Variants in PHACTR2 observed in about 807,000 individuals in gnomAD.
The protein encoded by PHACTR2 is phosphatase and actin regulator 2.
Under a neutral mutation model 76.0 loss-of-function variants are expected in PHACTR2, and 30 were observed. The ratio of observed to expected loss-of-function variants is 0.39; its 90% confidence interval spans 0.30 to 0.54. The LOEUF (loss-of-function observed/expected upper bound fraction) is 0.54, where lower values mean the gene tolerates loss of function less well. Among genes scored for constraint, PHACTR2 ranks in the 20% least tolerant of loss-of-function variants. PHACTR2 has a pLI of 0.61. For synonymous variants in PHACTR2, 292 were observed against 292.5 expected (o/e 1.00, Z 0.02); for missense variants, 696 against 781.1 (o/e 0.89, Z 1.30).
rs1245417226 is a variant in PHACTR2 at position 143,806,552 on chromosome 6, T to A, written c.1846-505T>A. On this transcript the variant is annotated intron_variant, in intron 11 of 12. Transcript: ENST00000440869. This position sits in a 1 kb window ranked among gnomAD's most constrained non-coding sequence, Gnocchi z 5.8. Reference sequence around the variant, plus strand: ...GTGACTCATAGACCAGACTCAAGGATGAGTTTAGCAAAGGCCCGCTCCCAC... The same window carrying A: ...GTGACTCATAGACCAGACTCAAGGAAGAGTTTAGCAAAGGCCCGCTCCCAC... Among the ~76,000 whole-genome samples the A allele has an allele frequency of 6.6e-6, 1 of 152,170 alleles. No homozygotes were observed. The highest frequency in any genetic ancestry group is 1.9e-4 in the East Asian group (1 of 5,194).
intron 6 of PHACTR2, among the ~76,000 whole-genome samples, chr6:143,771,131 C>CATATATATATATGTAT (rs1252769341): frequency 8.4e-5 from 6 of 71,234 alleles, no homozygotes; most frequent in African/African-American, 1.6e-4. Context: ...ATGTACTTTA[C>CATATATATATATGTAT]ATATATATAT....
rs1477681444 is a variant in PHACTR2, at chr6:143,561,746, G to A, written c.217+24539G>A. ...GAATGGAGACTCCCAAACTCATGGG[G>A]ACAGCTTTGCTGAGTACCAGAAGGC... On this transcript the variant is annotated intron_variant, in intron 1 of 11. Coordinates refer to the PHACTR2 transcript ENST00000367584. This position sits in a 1 kb window ranked among gnomAD's most constrained non-coding sequence, Gnocchi z 4.1. 3.3e-5 allele frequency: 5 copies of A among 152,326 alleles called. No homozygotes were observed. Among genetic ancestry groups the A allele is most frequent in the Admixed American group, 6.5e-5 (1 of 15,288 alleles). The allele number at this position is 152,326 out of a possible 1,614,324, so 9.4% of individuals were successfully genotyped here. A position where few individuals can be genotyped will look rare whatever the true frequency, so the allele number is the denominator to read the frequency against.
intron 1 of PHACTR2, among the ~76,000 whole-genome samples, chr6:143,693,519 T>A (rs1777698039): frequency 6.6e-6 from 1 of 152,230 alleles, no homozygotes; most frequent in Non-Finnish European, 1.5e-5. Context: ...ATTACAGGCA[T>A]GAGCCACCGT....
intron 2 of PHACTR2, among the ~76,000 whole-genome samples, chr6:143,716,666 A>G (rs1172387974): frequency 6.6e-6 from 1 of 152,152 alleles, no homozygotes; most frequent in African/African-American, 2.4e-5. Flanking sequence ...TTAAAGAACA[A>G]GGGAATAGAG....
At chr6:143,749,758 C>A (rs1016411659) in intron 3 of PHACTR2, among the ~76,000 whole-genome samples, 1 of 152,082 alleles carries the variant, frequency 6.6e-6, no homozygotes, top group Non-Finnish European at 1.5e-5. Context: ...CTGGTACTGA[C>A]CCTCAAAAGA....
Position 143,625,571 on chromosome 6 carries a change from G to A in PHACTR2, c.13+17249G>A, listed in dbSNP as rs1462553438. ...CCCCTTGTGCGGTGTGTCTCCAATA[G>A]ATGTAATATCACCAGTGACTGTGGG... is the stretch of plus-strand genomic sequence containing the variant. On this transcript the variant is annotated intron_variant, in intron 1 of 11. Coordinates refer to the PHACTR2 transcript ENST00000305766. This position sits in a 1 kb window ranked among gnomAD's most constrained non-coding sequence, Gnocchi z 4.3. Among the ~76,000 whole-genome samples, 1 of 152,186 alleles carries A rather than the reference G, an allele frequency of 6.6e-6. No individual in the cohort carries two copies. Among genetic ancestry groups the A allele is most frequent in the Non-Finnish European group, 1.5e-5 (1 of 68,036 alleles).
At position 143,765,328 on chromosome 6, in the gene PHACTR2, C is replaced by T. The variant is rs748937591; in HGVS notation, c.762C>T (p.Thr254=). 1 of 1,614,160 alleles carries T rather than the reference C, an allele frequency of 6.2e-7. No individual in the cohort carries two copies. Among genetic ancestry groups the T allele is most frequent in the South Asian group, 1.1e-5 (1 of 91,084 alleles). The change falls in exon 6 of 13, where the codon ACC becomes ACT. Residue 254 remains threonine, a synonymous_variant. Transcript: ENST00000440869. The surrounding 1 kb of genome is among the most constrained non-coding windows in gnomAD (Gnocchi z 4.1). ...KASASPSTSS[T]SSRPKASKET... ...CAGCTTCGCCATCCACTTCATCCAC[C>T]TCATCTCGTCCCAAAGCTTCAAAGG...
At chr6:143,779,176 T>C in intron 9 of PHACTR2, among the ~76,000 whole-genome samples, 1 of 152,168 alleles carries the variant, frequency 6.6e-6, no homozygotes, top group East Asian at 1.9e-4. Flanking sequence ...CACAGGAAAC[T>C]GAATGGCCTA....
At chr6:143,540,425 T>C (rs939162666) in intron 1 of PHACTR2, among the ~76,000 whole-genome samples, 5 of 152,178 alleles carry the variant, frequency 3.3e-5, no homozygotes, top group African/African-American at 1.2e-4. Context: ...TCCATCCTTC[T>C]TTCCAGGAAA....
chr6:143,705,293 A>ATTT (rs142316800), intron 1 of PHACTR2, among the ~76,000 whole-genome samples: 1,125 of 107,906 alleles, frequency 0.01, 61 homozygotes, highest in African/African-American at 0.035. Context: ...TAATTTTTGC[A>ATTT]TTTTTTTTTT....
intron 1 of PHACTR2, among the ~76,000 whole-genome samples, chr6:143,564,455 T>C: frequency 6.6e-6 from 1 of 152,012 alleles, no homozygotes; most frequent in East Asian, 1.9e-4. Context: ...TTTTGCTGGA[T>C]TGGAGTCTGC....
chr6:143,579,094 G>A (rs938355902), intron 1 of PHACTR2, among the ~76,000 whole-genome samples: 1 of 152,120 alleles, frequency 6.6e-6, no homozygotes, highest in Non-Finnish European at 1.5e-5. Context: ...TGTAGAGATA[G>A]GGTTTTGCCA....
At chr6:143,705,883 A>G (rs1562276681) in intron 1 of PHACTR2, among the ~76,000 whole-genome samples, 2 of 152,172 alleles carry the variant, frequency 1.3e-5, no homozygotes, top group East Asian at 1.9e-4. Context: ...GATAGCCCAC[A>G]TTTAAGCAGT....
At chr6:143,655,751 T>A (rs1331452035) in intron 1 of PHACTR2, among the ~76,000 whole-genome samples, 1 of 152,228 alleles carries the variant, frequency 6.6e-6, no homozygotes, top group African/African-American at 2.4e-5. Context: ...GACTTAGTTA[T>A]TTACTTTGCA....
chr6:143,774,375 C>A lies in PHACTR2; in HGVS notation c.1589+160C>A, dbSNP rs1293338486. On this transcript the variant is annotated intron_variant, in intron 8 of 12. Coordinates refer to ENST00000440869, the MANE Select transcript of PHACTR2 (RefSeq NM_001100164.2). The surrounding 1 kb of genome is among the most constrained non-coding windows in gnomAD (Gnocchi z 5.4). ...CTTGCATGATGAAACACTCGAAGAA[C>A]CTGTCCTTTGGCCCAGCTAGCCAGT... 2.0e-5 allele frequency among the ~76,000 whole-genome samples: 3 copies of A among 152,198 alleles called. No individual in the cohort carries two copies. In the East Asian group the frequency reaches 5.8e-4, roughly 29 times the overall value.
Position 143,618,255 on chromosome 6 carries a change from A to ACCTTGT in PHACTR2, c.13+9933_13+9934insCCTTGT. Among the ~76,000 whole-genome samples, 1 of 103,722 alleles carries ACCTTGT rather than the reference A, an allele frequency of 9.6e-6. No homozygotes were observed. Among genetic ancestry groups the ACCTTGT allele is most frequent in the Non-Finnish European group, 2.4e-5 (1 of 42,240 alleles). The allele number at this position is 103,722 out of a possible 152,430, so 68.0% of individuals were successfully genotyped here. On this transcript the variant is annotated intron_variant, in intron 1 of 11. Coordinates refer to the PHACTR2 transcript ENST00000305766. This position sits in a 1 kb window ranked among gnomAD's most constrained non-coding sequence, Gnocchi z 5.2. ...TGTTCCACCTTGTACTTCCTGCTCC[A>ACCTTGT]AACACACACACACACACACACACAC...
rs988499571 is a variant in PHACTR2, at chr6:143,809,282, C to T, written c.1922+2149C>T. 6.6e-6 allele frequency among the ~76,000 whole-genome samples: 1 copy of T among 152,098 alleles called. No individual in the cohort carries two copies. Among genetic ancestry groups the T allele is most frequent in the African/African-American group, 2.4e-5 (1 of 41,406 alleles). On this transcript the variant is annotated intron_variant, in intron 12 of 12. Coordinates refer to ENST00000440869, the MANE Select transcript of PHACTR2 (RefSeq NM_001100164.2). The surrounding 1 kb of genome is among the most constrained non-coding windows in gnomAD (Gnocchi z 4.2). ...AAGAGGTTCTTTCTGTTCTGTTGTA[C>T]TCTATATGAAGAAGCACAATAAAAT...
chr6:143,603,684 G>C (rs1343224086), upstream of PHACTR2, among the ~76,000 whole-genome samples: 4 of 152,178 alleles, frequency 2.6e-5, no homozygotes, highest in South Asian at 4.1e-4. Context: ...CCTATCAACT[G>C]TTTTTGGTTA....
chr6:143,645,543 A>G (rs769315769), intron 1 of PHACTR2, among the ~76,000 whole-genome samples: 11 of 152,206 alleles, frequency 7.2e-5, no homozygotes, highest in Non-Finnish European at 1.5e-4. Context: ...TTCCCAAGCT[A>G]AAAGAAAGTT....
Sources: allele counts gnomAD v4.1 joint callset (sites outside exome capture counted in the v4.1 genomes callset), GRCh38; gene constraint gnomAD v4.1.1; non-coding constraint Gnocchi (gnomAD v3.1); transcripts MANE v1.5; gene names NCBI Gene and HGNC (gene_info 2026-07-23, HGNC 2026-07-21).